Variants in NCOR2 observed in about 807,000 individuals in gnomAD.
NCOR2 encodes CTG repeat protein 26.
Under a neutral mutation model 262.9 loss-of-function variants are expected in NCOR2, and 81 were observed. The ratio of observed to expected loss-of-function variants is 0.31; its 90% CI spans 0.26 to 0.37. The LOEUF (loss-of-function observed/expected upper bound fraction) is 0.37. NCOR2 is among the 10% of genes least tolerant of loss of function. The probability of loss-of-function intolerance (pLI) is 1.00; values close to 1 mark genes in which losing one functional copy is unlikely to be tolerated. For synonymous variants in NCOR2, 1,659 were observed against 1,559.3 expected, an observed-to-expected ratio of 1.06 and a Z score of -1.51; for missense variants, 3,385 against 3,621.4, an observed-to-expected ratio of 0.93 and a Z score of 1.68.
At chr12:124,509,955 G>A (rs1331129244) in intron 1 of NCOR2, among the ~76,000 whole-genome samples, 1 of 152,048 alleles carries the variant, frequency 6.6e-6, no homozygotes, top group African/African-American at 2.4e-5. Context: ...TCTGCTAGCC[G>A]CACCGCAGAA....
At chr12:124,383,837 G>A (rs1431836975) in intron 17 of NCOR2, among the ~76,000 whole-genome samples, 2 of 152,222 alleles carry the variant, frequency 1.3e-5, no homozygotes, top group Non-Finnish European at 1.5e-5. Context: ...CCCCAGTCTC[G>A]CCCTGGGCCT....
At chr12:124,370,080 G>A (rs1321475060) in intron 20 of NCOR2, among the ~76,000 whole-genome samples, 2 of 152,300 alleles carry the variant, frequency 1.3e-5, no homozygotes, top group East Asian at 1.9e-4. Context: ...CAGCAGGAGC[G>A]GGGCGGGGAG....
intron 1 of NCOR2, among the ~76,000 whole-genome samples, chr12:124,527,335 C>G (rs976228002): frequency 2.0e-5 from 3 of 152,186 alleles, no homozygotes; most frequent in Non-Finnish European, 4.4e-5. Flanking sequence ...CGGAACCTCT[C>G]TGTGCCTCAG....
At chr12:124,417,552 G>A (rs2042977814) in intron 13 of NCOR2, among the ~76,000 whole-genome samples, 1 of 152,144 alleles carries the variant, frequency 6.6e-6, no homozygotes. Flanking sequence ...AGGGGAACTG[G>A]GAAGGCCAGC....
chr12:124,416,124 C>G (rs949131949), intron 13 of NCOR2, among the ~76,000 whole-genome samples: 18 of 152,140 alleles, frequency 1.2e-4, no homozygotes, highest in African/African-American at 4.3e-4. Flanking sequence ...GGCCCAAGCT[C>G]TGCAGTGAGC....
At chr12:124,439,329 A>T (rs2044663695) in intron 7 of NCOR2, among the ~76,000 whole-genome samples, 2 of 936 alleles carry the variant, frequency 2.1e-3, no homozygotes, top group Non-Finnish European at 7.6e-3. Flanking sequence ...AGACAGAGGG[A>T]GAGACAGAGA....
chr12:124,521,177 G>T (rs1002995058), intron 1 of NCOR2, among the ~76,000 whole-genome samples: 3 of 152,198 alleles, frequency 2.0e-5, no homozygotes, highest in Admixed American at 2.0e-4. Flanking sequence ...TTCAGCATCC[G>T]GCTCCAGCTG....
At chr12:124,385,988 C>T in intron 16 of NCOR2, 101 bp from the exon 19 acceptor site, 3 of 1,408,516 alleles carry the variant, frequency 2.1e-6, no homozygotes, top group Middle Eastern at 2.0e-4. Flanking sequence ...AGCAGAAACC[C>T]AGCCTGGGGC....
At chr12:124,480,347 C>T (rs1054989327) in intron 3 of NCOR2, among the ~76,000 whole-genome samples, 1 of 152,342 alleles carries the variant, frequency 6.6e-6, no homozygotes. Context: ...CACCTGGCCA[C>T]AGCCCCACCC....
At position 124,531,603 on chromosome 12, in the gene NCOR2, T is replaced by C. The variant is rs1374162594; in HGVS notation, c.-118+3962A>G. Among the ~76,000 whole-genome samples the C allele has an allele frequency of 4.0e-5, 6 of 151,138 alleles. No individual in the cohort carries two copies. The highest frequency in any genetic ancestry group is 5.9e-5 in the Non-Finnish European group (4 of 67,716). The stretch of plus-strand genomic sequence containing the variant: ...AGGCTGGGAAGGAGAGAGAGGAGGA[T>C]GGCAGAGAGGGAAGGGTGGTGGCGC... On this transcript the variant is annotated intron_variant, in intron 1 of 46. Coordinates refer to the NCOR2 transcript ENST00000404621. This position sits in a 1 kb window ranked among gnomAD's most constrained non-coding sequence, Gnocchi z 4.5.
intron 8 of NCOR2, among the ~76,000 whole-genome samples, chr12:124,435,476 C>A (rs763319465): frequency 7.2e-5 from 11 of 152,252 alleles, no homozygotes; most frequent in Admixed American, 2.0e-4. Context: ...CCGAGGGCTG[C>A]CCGCAGCTTC....
At chr12:124,386,689 G>GC (rs1172873872) in intron 16 of NCOR2, among the ~76,000 whole-genome samples, 6 of 152,144 alleles carry the variant, frequency 3.9e-5, no homozygotes, top group African/African-American at 9.7e-5. Flanking sequence ...AGAGCATGCC[G>GC]CCCCCCAGGT....
At chr12:124,333,692 C>T (rs919479109) in intron 41 of NCOR2, among the ~76,000 whole-genome samples, 4 of 151,960 alleles carry the variant, frequency 2.6e-5, no homozygotes, top group African/African-American at 9.7e-5. Context: ...GCCTCCTTCA[C>T]CCTGGAGCTC....
chr12:124,347,589 G>A (rs574269573), intron 30 of NCOR2: 37 of 533,674 alleles, frequency 6.9e-5, no homozygotes, highest in Admixed American at 1.9e-4. Flanking sequence ...GTTGCTATGT[G>A]ACACCTAAAA....
At chr12:124,376,501 C>T (rs979881022) in intron 18 of NCOR2, among the ~76,000 whole-genome samples, 2 of 152,190 alleles carry the variant, frequency 1.3e-5, no homozygotes, top group African/African-American at 4.8e-5. Flanking sequence ...ATGGGACGAC[C>T]CAAGGGACTC....
At chr12:124,552,030 T>A (rs2051729568) in intron 1 of NCOR2, among the ~76,000 whole-genome samples, 1 of 149,862 alleles carries the variant, frequency 6.7e-6, no homozygotes, top group Admixed American at 6.6e-5. Context: ...AAAGAAAAAG[T>A]AAAAAGGGGC....
At chr12:124,442,321 G>T (rs893400020) in intron 7 of NCOR2, among the ~76,000 whole-genome samples, 5 of 152,046 alleles carry the variant, frequency 3.3e-5, no homozygotes, top group Admixed American at 2.0e-4. Flanking sequence ...TTTATTTTTT[G>T]GTAGAGATGA....
chr12:124,478,830 G>A (rs2047243167), intron 3 of NCOR2, among the ~76,000 whole-genome samples: 1 of 152,152 alleles, frequency 6.6e-6, no homozygotes, highest in Non-Finnish European at 1.5e-5. Context: ...CAAACAGAAA[G>A]AGATAGAGAT....
upstream of NCOR2, among the ~76,000 whole-genome samples, chr12:124,540,356 C>T (rs533716446): frequency 7.0e-6 from 1 of 143,160 alleles, no homozygotes; most frequent in Non-Finnish European, 1.5e-5. Context: ...TGCAAAGGCC[C>T]AGGGGCAAGA....
Sources: gnomAD v4.1 joint callset for allele counts (sites outside exome capture counted in the v4.1 genomes callset) on GRCh38, gnomAD v4.1.1 for gene constraint, Gnocchi (gnomAD v3.1) non-coding constraint, MANE v1.5 for transcripts, NCBI Gene and HGNC (gene_info 2026-07-23, HGNC 2026-07-21) for gene names.